The following CDH12 variants were observed in gnomAD, a reference collection of about 807,000 sequenced individuals.
CDH12 encodes cadherin 12, also known as cadherin-12.
Under a neutral mutation model 74.1 loss-of-function variants are expected in CDH12, and 41 were observed. That is an observed-to-expected ratio of 0.55 (90% CI 0.43 to 0.72). CDH12 has a LOEUF of 0.72. CDH12 is among the 30% of genes least tolerant of loss of function. The pLI is 0.00. For missense variants in CDH12, 945 were observed against 977.2 expected (o/e 0.97, Z 0.44); for synonymous variants, 399 against 355.0 (o/e 1.12, Z -1.39).
intron 1 of CDH12, among the ~76,000 whole-genome samples, chr5:22,568,984 G>C (rs1216931066): frequency 6.6e-6 from 1 of 152,172 alleles, no homozygotes; most frequent in Non-Finnish European, 1.5e-5. Context: ...GGTTGCTAAA[G>C]GTTGTCGCAG....
intron 1 of CDH12, among the ~76,000 whole-genome samples, chr5:22,700,394 C>G (rs1481710340): frequency 6.6e-6 from 1 of 152,192 alleles, no homozygotes; most frequent in Non-Finnish European, 1.5e-5. Context: ...CTTCCCCTCA[C>G]CACATGGGCA....
At chr5:22,774,914 C>T (rs1747007534) in intron 1 of CDH12, among the ~76,000 whole-genome samples, 2 of 151,972 alleles carry the variant, frequency 1.3e-5, no homozygotes, top group South Asian at 4.2e-4. Context: ...GGATCGTTTG[C>T]ATCTCAAATC....
At chr5:22,578,231 T>C (rs1345668161) in intron 1 of CDH12, among the ~76,000 whole-genome samples, 1 of 152,144 alleles carries the variant, frequency 6.6e-6, no homozygotes, top group Non-Finnish European at 1.5e-5. Flanking sequence ...TAGCCATAGC[T>C]CTAAGTATCA....
At chr5:22,008,063 G>T (rs1216454602) in intron 5 of CDH12, among the ~76,000 whole-genome samples, 2 of 152,102 alleles carry the variant, frequency 1.3e-5, no homozygotes, top group Non-Finnish European at 2.9e-5. Context: ...GAAGGTGGTA[G>T]ACGTCCTGCT....
At chr5:22,058,147 A>C (rs530698853) in intron 5 of CDH12, among the ~76,000 whole-genome samples, 14 of 151,832 alleles carry the variant, frequency 9.2e-5, no homozygotes, top group Admixed American at 5.3e-4. Context: ...ACTTCTGCCT[A>C]CCAGGTTCAA....
At chr5:22,086,457 C>T (rs2150233186) in intron 4 of CDH12, among the ~76,000 whole-genome samples, 1 of 152,212 alleles carries the variant, frequency 6.6e-6, no homozygotes, top group Non-Finnish European at 1.5e-5. Context: ...CAATTCTCTG[C>T]CTCAGCCTCC....
chr5:22,678,213 T>C (rs1174758567), intron 1 of CDH12, among the ~76,000 whole-genome samples: 4 of 152,122 alleles, frequency 2.6e-5, no homozygotes. Context: ...TAAAAAAATA[T>C]TAAATTGTTT....
At chr5:22,705,138 C>T (rs879817763) in intron 1 of CDH12, among the ~76,000 whole-genome samples, 1,470 of 134,268 alleles carry the variant, frequency 0.011, 7 homozygotes, top group Non-Finnish European at 0.016. Flanking sequence ...TATACACACA[C>T]ACACACACAC....
intron 1 of CDH12, among the ~76,000 whole-genome samples, chr5:22,702,628 A>C (rs1742775157): frequency 6.6e-6 from 1 of 152,026 alleles, no homozygotes; most frequent in Non-Finnish European, 1.5e-5. Flanking sequence ...AAGAAAGTGA[A>C]TATAGATATT....
chr5:22,327,467 T>TGC (rs1739170927), intron 3 of CDH12, among the ~76,000 whole-genome samples: 1 of 149,024 alleles, frequency 6.7e-6, no homozygotes, highest in African/African-American at 2.5e-5. Context: ...TGTGTGTGTG[T>TGC]GTGCATCTGT....
intron 3 of CDH12, among the ~76,000 whole-genome samples, chr5:22,326,228 A>ATTTTTTTTTTTTTT (rs111680651): frequency 6.7e-6 from 1 of 148,972 alleles, no homozygotes. Flanking sequence ...CCAGTTGGCT[A>ATTTTTTTTTTTTTT]TTTTTTTTTT....
At chr5:22,797,592 A>T in intron 1 of CDH12, among the ~76,000 whole-genome samples, 1 of 152,240 alleles carries the variant, frequency 6.6e-6, no homozygotes, top group East Asian at 1.9e-4. Flanking sequence ...AGAGTAAAAA[A>T]CAATAGATAT....
At chr5:21,782,547 T>C (rs978310068) in intron 11 of CDH12, among the ~76,000 whole-genome samples, 39 of 152,096 alleles carry the variant, frequency 2.6e-4, no homozygotes. Context: ...TTGCACCAGA[T>C]GCACAAAATA....
At chr5:22,077,153 C>G (rs1742389337) in intron 5 of CDH12, among the ~76,000 whole-genome samples, 1 of 151,778 alleles carries the variant, frequency 6.6e-6, no homozygotes. Flanking sequence ...TTTGGGGTGA[C>G]TCAATTTTTA....
intron 1 of CDH12, among the ~76,000 whole-genome samples, chr5:22,509,336 A>G (rs1019941282): frequency 1.3e-5 from 2 of 152,212 alleles, no homozygotes; most frequent in East Asian, 1.9e-4. Context: ...TTTTAGAAAG[A>G]GCTTAATTAA....
chr5:21,826,001 G>T (rs1339745323), intron 8 of CDH12, among the ~76,000 whole-genome samples: 1 of 152,150 alleles, frequency 6.6e-6, no homozygotes, highest in Admixed American at 6.6e-5. Context: ...GTTGTTCTGA[G>T]TTTAGAGCTG....
intron 8 of CDH12, among the ~76,000 whole-genome samples, chr5:21,818,046 A>G (rs1748160731): frequency 6.6e-6 from 1 of 152,038 alleles, no homozygotes; most frequent in Admixed American, 6.6e-5. Context: ...CTGACATTTC[A>G]TTAAAGCAAA....
In CDH12 at chr5:22,453,177, G is replaced by T. The variant is rs1049262471; in HGVS notation, c.-427-47826C>A. Among the ~76,000 whole-genome samples, 13 of 152,088 alleles carry T rather than the reference G, an allele frequency of 8.5e-5. No homozygotes were observed. In the Middle Eastern group the frequency reaches 0.017, roughly 199 times the overall value. ...AGCCACTATCAAAACCAGTATGGAGGTTTCTTAAAAAGCTAAAAATAAAAT... is the reference window on the plus strand; with the variant it reads ...AGCCACTATCAAAACCAGTATGGAGTTTTCTTAAAAAGCTAAAAATAAAAT... On this transcript the variant is annotated intron_variant, in intron 2 of 14. Coordinates refer to ENST00000382254, the MANE Select transcript of CDH12 (RefSeq NM_004061.5).
chr5:21,790,239 G>A (rs1406601040), intron 10 of CDH12, among the ~76,000 whole-genome samples: 9 of 152,020 alleles, frequency 5.9e-5, no homozygotes, highest in East Asian at 3.9e-4. Context: ...CACATATACA[G>A]GTTATGTTTA....
Sources: gnomAD v4.1 joint callset for allele counts (sites outside exome capture counted in the v4.1 genomes callset) on GRCh38, gnomAD v4.1.1 for gene constraint, MANE v1.5 for transcripts, NCBI Gene and HGNC (gene_info 2026-07-23, HGNC 2026-07-21) for gene names.